Variants in THADA observed in about 807,000 individuals in gnomAD.
THADA encodes THADA armadillo repeat containing.
In THADA, 213 loss-of-function variants were observed where a neutral mutation model predicts 219.8. That is an observed-to-expected ratio of 0.97 (90% CI 0.87 to 1.09). THADA has a LOEUF of 1.09. THADA is among the 50% of genes least tolerant of loss of function. THADA has a pLI of 0.00. For missense variants in THADA, 2,956 were observed against 2,311.3 expected (o/e 1.28, Z -5.72); for synonymous variants, 1,018 against 828.9 (o/e 1.23, Z -3.92).
intron 31 of THADA, among the ~76,000 whole-genome samples, chr2:43,293,748 C>T (rs1675028420): frequency 6.6e-6 from 1 of 152,220 alleles, no homozygotes; most frequent in South Asian, 2.1e-4. Context: ...GCTCTTTAGA[C>T]ATTTGATTAC....
rs769618964 is a variant in THADA at position 43,293,086 on chromosome 2, T to C, written c.4566A>G (p.Leu1522=). ...LPQYLQSLTR[L]AIAAVWAAAA... is the part of the protein sequence containing the mutation. ...CCGCGGCCCACACTGCAGCAATGGC[T>C]AGTCTGGTGAGGCTCTGGAGGTACT... Residue 1522 remains leucine, a synonymous_variant, in exon 32 of 38, where the codon CTA becomes CTG. Coordinates refer to ENST00000405975, the MANE Select transcript of THADA (RefSeq NM_022065.5). The C allele has an allele frequency of 3.1e-6, 5 of 1,613,880 alleles. No homozygotes were observed. The East Asian group carries it at 6.7e-5, about 22-fold the overall frequency.
At chr2:43,578,976 C>G (rs140597184) in intron 8 of THADA, among the ~76,000 whole-genome samples, 53 of 152,254 alleles carry the variant, frequency 3.5e-4, no homozygotes, top group African/African-American at 1.2e-3. Flanking sequence ...GGACTACAGG[C>G]GCGTGCCACC....
chr2:43,383,460 C>A (rs72790912), intron 29 of THADA, among the ~76,000 whole-genome samples: 2 of 152,244 alleles, frequency 1.3e-5, no homozygotes, highest in Non-Finnish European at 2.9e-5. Context: ...AGCATCACAC[C>A]CATCTCCCTG....
At chr2:43,577,361 C>G (rs1699969623) in intron 9 of THADA, 119 bp from the exon 10 acceptor site, 9 of 795,334 alleles carry the variant, frequency 1.1e-5, no homozygotes, top group Admixed American at 2.8e-5. Flanking sequence ...TGACTAAATC[C>G]AAAGATAAAA....
At chr2:43,296,070 C>A (rs1675338434) in intron 31 of THADA, among the ~76,000 whole-genome samples, 1 of 151,976 alleles carries the variant, frequency 6.6e-6, no homozygotes, top group South Asian at 2.1e-4. Context: ...CAGGAGCATG[C>A]CACCACGCCT....
chr2:43,488,688 A>G (rs1361565028), intron 25 of THADA, among the ~76,000 whole-genome samples: 2 of 152,180 alleles, frequency 1.3e-5, no homozygotes, highest in Non-Finnish European at 2.9e-5. Context: ...TCTCATGACT[A>G]TATACCTAGA....
chr2:43,341,056 T>A (rs1042585913), intron 30 of THADA, among the ~76,000 whole-genome samples: 2 of 152,226 alleles, frequency 1.3e-5, no homozygotes, highest in African/African-American at 4.8e-5. Flanking sequence ...TTGGAATGCA[T>A]TGTGCTGTCT....
intron 21 of THADA, among the ~76,000 whole-genome samples, chr2:43,528,748 C>A (rs954636058): frequency 6.6e-6 from 1 of 152,188 alleles, no homozygotes; most frequent in Non-Finnish European, 1.5e-5. Context: ...CACTCACACA[C>A]ATAGGTCTAG....
intron 16 of THADA, 147 bp from the exon 17 acceptor site, chr2:43,556,702 A>AT (rs1697393892): frequency 2.8e-6 from 2 of 705,478 alleles, no homozygotes; most frequent in East Asian, 5.5e-5. Context: ...ATGGAGGAGG[A>AT]TTACTTGAGG....
At chr2:43,254,579 G>C (rs781306964) in intron 36 of THADA, among the ~76,000 whole-genome samples, 6 of 151,954 alleles carry the variant, frequency 3.9e-5, no homozygotes, top group Non-Finnish European at 7.4e-5. Context: ...TTCCTTTCCT[G>C]AACAGGCCTC....
chr2:43,356,510 G>C (rs532615661), intron 29 of THADA, among the ~76,000 whole-genome samples: 17 of 151,968 alleles, frequency 1.1e-4, no homozygotes, highest in Non-Finnish European at 2.1e-4. Context: ...GGAAACCAGG[G>C]GTAAAATATC....
Position 43,564,543 on chromosome 2 carries a change from G to C in THADA, c.2311+2155C>G, listed in dbSNP as rs529982147. The C allele has an allele frequency of 2.0e-5, 3 of 152,302 alleles. No individual in the cohort carries two copies. The South Asian group carries it at 6.2e-4, about 32-fold the overall frequency. The allele number at this position is 152,302 out of a possible 1,614,324, so 9.4% of individuals were successfully genotyped here. ...ATTTTTGATCCATCAAGATAATCTA[G>C]AATTATCTCACCTCAAGATCCTAAA... On this transcript the variant is annotated intron_variant, in intron 15 of 37. Transcript: ENST00000405975.
chr2:43,443,310 A>T (rs4952990), intron 26 of THADA, among the ~76,000 whole-genome samples: 110,707 of 152,096 alleles, frequency 0.73, 40,466 homozygotes, highest in Admixed American at 0.78. Flanking sequence ...ATTAATAATT[A>T]CACAAAATGC....
At chr2:43,338,929 T>C (rs916896589) in intron 30 of THADA, among the ~76,000 whole-genome samples, 1 of 152,202 alleles carries the variant, frequency 6.6e-6, no homozygotes, top group Non-Finnish European at 1.5e-5. Context: ...AATATCATAC[T>C]GTTTTCCACA....
At chr2:43,367,345 A>T (rs1008282085) in intron 29 of THADA, among the ~76,000 whole-genome samples, 37 of 151,912 alleles carry the variant, frequency 2.4e-4, no homozygotes, top group African/African-American at 9.0e-4. Flanking sequence ...TCTTTTTTTA[A>T]AAAAATTTAA....
At chr2:43,375,504 T>C (rs534716804) in intron 29 of THADA, among the ~76,000 whole-genome samples, 102 of 152,348 alleles carry the variant, frequency 6.7e-4, no homozygotes, top group Non-Finnish European at 1.2e-3. Flanking sequence ...TACTTCATCA[T>C]TGTAGCTTCT....
At chr2:43,439,168 C>T (rs1488347401) in intron 26 of THADA, among the ~76,000 whole-genome samples, 1 of 152,116 alleles carries the variant, frequency 6.6e-6, no homozygotes, top group African/African-American at 2.4e-5. Flanking sequence ...CTTGGTCAAA[C>T]ATGGTTCGAA....
rs573089669 is a variant in THADA, at chr2:43,466,149, G to C, written c.3836+19085C>G. Reference sequence around the variant, plus strand: ...GTCCATCCAGAATTTCCCAAAGTGTGTCCTATAAAACACAGCTCTTCAATG... The same window carrying C: ...GTCCATCCAGAATTTCCCAAAGTGTCTCCTATAAAACACAGCTCTTCAATG... On this transcript the variant is annotated intron_variant, in intron 26 of 37. Transcript: ENST00000405975. 6.6e-5 allele frequency among the ~76,000 whole-genome samples: 10 copies of C among 152,292 alleles called. No homozygotes were observed. In the East Asian group the frequency reaches 1.9e-3, roughly 29 times the overall value.
At chr2:43,231,457 CAG>C (rs1365307866) in intron 37 of THADA, 114 bp from the exon 38 acceptor site, 4 of 1,105,370 alleles carry the variant, frequency 3.6e-6, no homozygotes, top group East Asian at 2.7e-5. Flanking sequence ...CCCCACCTGA[CAG>C]AGGGTGCACT....
Sources: allele counts gnomAD v4.1 joint callset (sites outside exome capture counted in the v4.1 genomes callset), GRCh38; gene constraint gnomAD v4.1.1; transcripts MANE v1.5; gene names NCBI Gene and HGNC (gene_info 2026-07-23, HGNC 2026-07-21).